Variants in CBLN2 observed in about 807,000 individuals in gnomAD.
The protein encoded by CBLN2 is cerebellin 2 precursor.
A neutral mutation model predicts 15.0 loss-of-function variants in CBLN2; 7 were observed. The observed-to-expected ratio is 0.47, with a 90% CI of 0.27 to 0.88. The LOEUF is 0.88. Among genes scored for constraint, CBLN2 ranks in the 40% least tolerant of loss-of-function variants. The probability of loss-of-function intolerance (pLI) is 0.14; values close to 1 mark genes in which losing one functional copy is unlikely to be tolerated. For missense variants in CBLN2, 242 were observed against 304.5 expected, an observed-to-expected ratio of 0.79 and a Z score of 1.53; for synonymous variants, 149 against 135.2, an observed-to-expected ratio of 1.10 and a Z score of -0.71.
chr18:72,580,906 T>TA (rs2069398360), intron 1 of CBLN2, among the ~76,000 whole-genome samples: 1 of 152,196 alleles, frequency 6.6e-6, no homozygotes, highest in African/African-American at 2.4e-5. Flanking sequence ...CTCTTCTCAA[T>TA]AAGGCTTCCA....
intron 3 of CBLN2, chr18:72,539,033 A>C: frequency 2.5e-6 from 1 of 393,250 alleles, no homozygotes; most frequent in Non-Finnish European, 4.7e-6. Flanking sequence ...TGCATTCAAA[A>C]ACTGGCTGTG....
intron 1 of CBLN2, chr18:72,619,330 G>A: frequency 3.6e-6 from 2 of 549,174 alleles, no homozygotes; most frequent in South Asian, 3.0e-5. Context: ...GTGGTGGCAG[G>A]GCCTAGCTGC....
intron 1 of CBLN2, among the ~76,000 whole-genome samples, chr18:72,554,368 A>G (rs1380225256): frequency 6.6e-6 from 1 of 152,136 alleles, no homozygotes; most frequent in Non-Finnish European, 1.5e-5. Context: ...AAAAAAGCAT[A>G]TGAAAAAGGG....
At chr18:72,567,731 A>G (rs1183409363) in intron 1 of CBLN2, among the ~76,000 whole-genome samples, 1 of 152,196 alleles carries the variant, frequency 6.6e-6, no homozygotes, top group East Asian at 1.9e-4. Context: ...TCCGAACTCC[A>G]AAATTCCTGT....
At chr18:72,593,644 C>T (rs1419254638) in intron 1 of CBLN2, among the ~76,000 whole-genome samples, 4 of 152,038 alleles carry the variant, frequency 2.6e-5, no homozygotes, top group Non-Finnish European at 4.4e-5. Context: ...AGCTCTTGGT[C>T]TGTCATATAT....
intron 3 of CBLN2, chr18:72,539,211 G>T (rs188752023): frequency 1.8e-3 from 295 of 165,262 alleles, no homozygotes; most frequent in Non-Finnish European, 3.3e-3. Context: ...AAACAAAAAA[G>T]TTCCATTCTG....
In CBLN2 at chr18:72,602,449, T is replaced by C. The variant is rs559917452; in HGVS notation, c.15+35876A>G. 7.2e-5 allele frequency among the ~76,000 whole-genome samples: 11 copies of C among 152,246 alleles called. No homozygotes were observed. In the South Asian group the frequency reaches 1.2e-3, roughly 17 times the overall value. ...CTTCTGTCAACATTCTTTTCTACCT[T>C]TATTTCTAATTTTTACTGAGGCCTC... On this transcript the variant is annotated intron_variant, in intron 1 of 2. Transcript: ENST00000581073.
chr18:72,619,551 C>T (rs1000422567), intron 1 of CBLN2, among the ~76,000 whole-genome samples: 19 of 152,098 alleles, frequency 1.2e-4, no homozygotes, highest in African/African-American at 2.9e-4. Context: ...TGAATAAACG[C>T]GTCTTAAAAA....
intron 1 of CBLN2, among the ~76,000 whole-genome samples, chr18:72,606,722 C>A (rs547756804): frequency 6.6e-6 from 1 of 152,316 alleles, no homozygotes; most frequent in South Asian, 2.1e-4. Context: ...GATACCAGCT[C>A]GGCCAGGAGT....
At chr18:72,575,072 T>A (rs1262076303) in intron 1 of CBLN2, among the ~76,000 whole-genome samples, 1 of 151,870 alleles carries the variant, frequency 6.6e-6, no homozygotes, top group African/African-American at 2.4e-5. Context: ...GAAAGGAGGC[T>A]TCAGATGTAG....
intron 1 of CBLN2, among the ~76,000 whole-genome samples, chr18:72,556,266 A>C (rs569798425): frequency 1.4e-4 from 21 of 152,354 alleles, no homozygotes; most frequent in African/African-American, 4.6e-4. Flanking sequence ...ACAAAAAAGA[A>C]AAAGAAAACA....
At chr18:72,600,027 C>G (rs891201570) in intron 1 of CBLN2, among the ~76,000 whole-genome samples, 2 of 152,162 alleles carry the variant, frequency 1.3e-5, no homozygotes, top group African/African-American at 4.8e-5. Context: ...CCAAGCACCG[C>G]CTGTGGTTAC....
At chr18:72,608,367 C>T (rs1433720945) in intron 1 of CBLN2, among the ~76,000 whole-genome samples, 1 of 152,146 alleles carries the variant, frequency 6.6e-6, no homozygotes, top group Non-Finnish European at 1.5e-5. Flanking sequence ...CTTTGGGGCT[C>T]CCATGCACAG....
chr18:72,558,933 C>T (rs685416), intron 1 of CBLN2, among the ~76,000 whole-genome samples: 115,232 of 151,958 alleles, frequency 0.76, 47,679 homozygotes, highest in Non-Finnish European at 0.91. Context: ...CACACATCTC[C>T]AATCCCAGCT....
At chr18:72,618,507 G>A (rs2069678005) in intron 1 of CBLN2, 1 of 681,488 alleles carries the variant, frequency 1.5e-6, no homozygotes, top group Non-Finnish European at 2.7e-6. Context: ...CAAGGTGGAT[G>A]CAAGAGTTGT....
At chr18:72,549,210 C>T (rs1322227211), upstream of CBLN2, among the ~76,000 whole-genome samples, 3 of 152,018 alleles carry the variant, frequency 2.0e-5, no homozygotes, top group Non-Finnish European at 4.4e-5. Context: ...AGGGGTTTCA[C>T]CATGTTGGCC....
chr18:72,589,097 C>T, intron 1 of CBLN2, among the ~76,000 whole-genome samples: 1 of 151,854 alleles, frequency 6.6e-6, no homozygotes, highest in Middle Eastern at 3.2e-3. Context: ...CGGTGGGAGG[C>T]AAGAATGGAG....
At chr18:72,547,088 A>C (rs1568251763), upstream of CBLN2, among the ~76,000 whole-genome samples, 1 of 147,304 alleles carries the variant, frequency 6.8e-6, no homozygotes, top group Non-Finnish European at 1.5e-5. Flanking sequence ...GTCCATTAAC[A>C]GATGATTTGA....
chr18:72,562,710 TACTTTTAA>T (rs2069269613), intron 1 of CBLN2, among the ~76,000 whole-genome samples: 1 of 152,262 alleles, frequency 6.6e-6, no homozygotes, highest in Non-Finnish European at 1.5e-5. Flanking sequence ...AAATGAATCC[TACTTTTAA>T]GGAGGCAGTT....
Sources: gnomAD v4.1 joint callset for allele counts (sites outside exome capture counted in the v4.1 genomes callset) on GRCh38, gnomAD v4.1.1 for gene constraint, MANE v1.5 for transcripts, NCBI Gene and HGNC (gene_info 2026-07-23, HGNC 2026-07-21) for gene names.